GABRA4: variants seen among roughly 807,000 people sequenced by gnomAD.
GABRA4 encodes the protein gamma-aminobutyric acid receptor subunit alpha-4.
A neutral mutation model predicts 49.7 loss-of-function variants in GABRA4; 12 were observed. The observed-to-expected ratio is 0.24, with a 90% CI of 0.15 to 0.39. The LOEUF is 0.39. Ranked by LOEUF, GABRA4 falls within the 10% of genes least tolerant of loss-of-function variation. The pLI is 1.00. For synonymous variants in GABRA4, 288 were observed against 240.2 expected (o/e 1.20, Z -1.84); for missense variants, 506 against 686.0 (o/e 0.74, Z 2.93).
At chr4:46,960,275 T>G (rs1376837783) in intron 8 of GABRA4, among the ~76,000 whole-genome samples, 3 of 151,596 alleles carry the variant, frequency 2.0e-5, no homozygotes, top group Non-Finnish European at 4.4e-5. Context: ...TATCATAGCA[T>G]TAAAATGTAT....
intron 2 of GABRA4, among the ~76,000 whole-genome samples, chr4:46,989,479 C>G (rs1484810281): frequency 6.6e-6 from 1 of 152,202 alleles, no homozygotes; most frequent in Non-Finnish European, 1.5e-5. Flanking sequence ...TCCCTCTCTT[C>G]TCGCCTTTTC....
At chr4:46,981,080 C>G (rs745772841) in intron 2 of GABRA4, among the ~76,000 whole-genome samples, 3 of 152,058 alleles carry the variant, frequency 2.0e-5, no homozygotes, top group Admixed American at 6.6e-5. Context: ...TGATTTAGTA[C>G]TAGGCATAAG....
intron 7 of GABRA4, among the ~76,000 whole-genome samples, chr4:46,968,806 T>A (rs1161509215): frequency 6.6e-6 from 1 of 151,530 alleles, no homozygotes; most frequent in Non-Finnish European, 1.5e-5. Flanking sequence ...ACAAGTGAGA[T>A]GAACAGTACC....
chr4:46,945,912 G>T (rs1721963860), intron 8 of GABRA4, among the ~76,000 whole-genome samples: 1 of 152,070 alleles, frequency 6.6e-6, no homozygotes, highest in African/African-American at 2.4e-5. Context: ...TCTAGGAAGA[G>T]ACTGAAAGGA....
In GABRA4 at chr4:46,927,957, C is replaced by G. The variant is rs1721286290; in HGVS notation, c.*268G>C. 2 of 281,398 alleles carry G rather than the reference C, an allele frequency of 7.1e-6. No individual in the cohort carries two copies. Among genetic ancestry groups the G allele is most frequent in the Non-Finnish European group, 1.3e-5 (2 of 150,126 alleles). The allele number at this position is 281,398 out of a possible 1,614,324, so 17.4% of individuals were successfully genotyped here. On this transcript the variant is annotated 3_prime_UTR_variant, in exon 9 of 9. Transcript: ENST00000264318. ...TATGCGCCACTTGTCTCTAATAGCT[C>G]TATTTCTCTTATCCCAACTTTCCAG...
At chr4:46,991,855 G>T (rs779473807) in intron 2 of GABRA4, among the ~76,000 whole-genome samples, 1 of 152,156 alleles carries the variant, frequency 6.6e-6, no homozygotes, top group Non-Finnish European at 1.5e-5. Flanking sequence ...AATATTACTG[G>T]CTGTTATTAT....
Position 46,928,169 on chromosome 4 carries a change from T to C in GABRA4, c.*56A>G. ...AATATTTGTTTATATTTAAAAACAT[T>C]TAAAAAGACATTCTGCATTTTCATC... On this transcript the variant is annotated 3_prime_UTR_variant, in exon 9 of 9. Coordinates refer to ENST00000264318, the MANE Select transcript of GABRA4 (RefSeq NM_000809.4). The C allele has an allele frequency of 7.3e-7, 1 of 1,376,868 alleles. No individual in the cohort carries two copies. Among genetic ancestry groups the C allele is most frequent in the Non-Finnish European group, 9.8e-7 (1 of 1,017,052 alleles). 85.3% of individuals were successfully genotyped at this position (1,376,868 alleles called of 1,614,324 possible). A position where few individuals can be genotyped will look rare whatever the true frequency, so the allele number is the denominator to read the frequency against.
At chr4:46,975,244 T>C (rs1431641816) in intron 5 of GABRA4, among the ~76,000 whole-genome samples, 1 of 152,000 alleles carries the variant, frequency 6.6e-6, no homozygotes, top group Non-Finnish European at 1.5e-5. Context: ...AATGGAATCA[T>C]TTAATTCTTC....
chr4:46,978,364 C>T (rs769527448), intron 3 of GABRA4, among the ~76,000 whole-genome samples: 1 of 151,832 alleles, frequency 6.6e-6, no homozygotes, highest in Admixed American at 6.6e-5. Context: ...CTAATTATCA[C>T]CTCTAATTTT....
At chr4:46,949,886 T>A (rs2109356450) in intron 8 of GABRA4, among the ~76,000 whole-genome samples, 1 of 152,234 alleles carries the variant, frequency 6.6e-6, no homozygotes, top group African/African-American at 2.4e-5. Context: ...ACAAATAGGA[T>A]TCACCATATA....
Position 46,920,582 on chromosome 4 carries a change from A to G in GABRA4, c.*7643T>C, listed in dbSNP as rs1720988162. The G allele has an allele frequency of 6.6e-6, 1 of 151,766 alleles. No homozygotes were observed. Among genetic ancestry groups the G allele is most frequent in the Admixed American group, 6.6e-5 (1 of 15,230 alleles). The allele number at this position is 151,766 out of a possible 1,614,324, so 9.4% of individuals were successfully genotyped here. On this transcript the variant is annotated 3_prime_UTR_variant, in exon 9 of 9. Coordinates refer to ENST00000264318, the MANE Select transcript of GABRA4 (RefSeq NM_000809.4). ...CTGCAAAATTCAAGGGAGAATTTTT[A>G]TCAAATTGTGTAAATCCACATTATC...
chr4:46,992,567 A>C, intron 2 of GABRA4: 1 of 481,658 alleles, frequency 2.1e-6, no homozygotes, highest in East Asian at 3.3e-5. Flanking sequence ...TTCCTCTCCA[A>C]CCTCCCCCAC....
chr4:46,947,590 A>T (rs1312355101), intron 8 of GABRA4, among the ~76,000 whole-genome samples: 1 of 151,846 alleles, frequency 6.6e-6, no homozygotes, highest in Non-Finnish European at 1.5e-5. Flanking sequence ...GGAAGGAAGG[A>T]AGTAAAACAG....
rs564063735 is a variant in GABRA4 at position 46,956,482 on chromosome 4, A to G, written c.1134+8488T>C. 8.1e-4 allele frequency among the ~76,000 whole-genome samples: 123 copies of G among 152,186 alleles called. 1 individual carries two copies. In the Middle Eastern group the frequency reaches 0.024, roughly 29 times the overall value. On this transcript the variant is annotated intron_variant, in intron 8 of 8. Coordinates refer to ENST00000264318, the MANE Select transcript of GABRA4 (RefSeq NM_000809.4). Reference sequence around the variant, plus strand: ...TTTAGGAATGGAATGAAGCTTGTATATTATGATAGCCAACTACTCTTTCCT... The same window carrying G: ...TTTAGGAATGGAATGAAGCTTGTATGTTATGATAGCCAACTACTCTTTCCT...
At chr4:46,991,226 C>T (rs890338635) in intron 2 of GABRA4, among the ~76,000 whole-genome samples, 1 of 152,056 alleles carries the variant, frequency 6.6e-6, no homozygotes, top group African/African-American at 2.4e-5. Context: ...AATCAATACC[C>T]TCAATGACTT....
At chr4:46,939,466 G>C (rs1577749923) in intron 8 of GABRA4, among the ~76,000 whole-genome samples, 1 of 151,922 alleles carries the variant, frequency 6.6e-6, no homozygotes, top group East Asian at 1.9e-4. Flanking sequence ...TTTTCCCAAT[G>C]AGGGCACTGA....
At chr4:46,944,067 G>C (rs1276106850) in intron 8 of GABRA4, among the ~76,000 whole-genome samples, 1 of 151,928 alleles carries the variant, frequency 6.6e-6, no homozygotes, top group Non-Finnish European at 1.5e-5. Flanking sequence ...GCACAGCATC[G>C]GGACTACGGT....
chr4:46,928,294 T>A lies in GABRA4; in HGVS notation c.1596A>T (p.Ala532=), dbSNP rs756060088. ...AAACAACCCAATAAACCATGTTAAA[T>A]GCCCCAAATGTGACTGGAAAGAGAA... ...ARILFPVTFG[A]FNMVYWVVYL... Residue 532 remains alanine (A), a synonymous_variant, in exon 9 of 9, where the codon GCA becomes GCT. Coordinates refer to ENST00000264318, the MANE Select transcript of GABRA4 (RefSeq NM_000809.4). The A allele has an allele frequency of 3.1e-6, 5 of 1,613,338 alleles. No homozygotes were observed. The South Asian group carries it at 5.5e-5, about 18-fold the overall frequency.
At chr4:46,936,283 C>T (rs544776613) in intron 8 of GABRA4, among the ~76,000 whole-genome samples, 4 of 152,174 alleles carry the variant, frequency 2.6e-5, no homozygotes, top group Admixed American at 2.6e-4. Context: ...GAGTTTCGCT[C>T]TTGTTGCCCA....
Sources: allele counts gnomAD v4.1 joint callset (sites outside exome capture counted in the v4.1 genomes callset), GRCh38; gene constraint gnomAD v4.1.1; transcripts MANE v1.5; gene names NCBI Gene and HGNC (gene_info 2026-07-23, HGNC 2026-07-21).